Variants in EFL1 observed in about 807,000 individuals in gnomAD.
The protein encoded by EFL1 is elongation factor-like GTPase 1.
In EFL1, 76 loss-of-function variants were observed where a neutral mutation model predicts 126.7. That is an observed-to-expected ratio of 0.60 (90% CI 0.50 to 0.73). EFL1 has a LOEUF of 0.73. Ranked by LOEUF, EFL1 falls within the 30% of genes least tolerant of loss-of-function variation. The pLI is 0.00. For missense variants in EFL1, 1,128 were observed against 1,343.2 expected, an observed-to-expected ratio of 0.84 and a Z score of 2.50; for synonymous variants, 410 against 448.4, an observed-to-expected ratio of 0.91 and a Z score of 1.08.
At chr15:82,158,028 A>T (rs2073985462) in intron 16 of EFL1, among the ~76,000 whole-genome samples, 168 bp from the exon 17 acceptor site, 1 of 152,158 alleles carries the variant, frequency 6.6e-6, no homozygotes, top group Non-Finnish European at 1.5e-5. Context: ...CCTTCTAGTA[A>T]TTTTTTTGTA....
chr15:82,178,404 C>A (rs1273721109), intron 15 of EFL1, among the ~76,000 whole-genome samples: 6 of 152,190 alleles, frequency 3.9e-5, no homozygotes, highest in Non-Finnish European at 5.9e-5. Flanking sequence ...GCCATAGATA[C>A]ATGAACACTA....
At position 82,240,051 on chromosome 15, in the gene EFL1, A is replaced by G. The variant is rs140663142; in HGVS notation, c.516+367T>C. 6.6e-4 allele frequency among the ~76,000 whole-genome samples: 100 copies of G among 152,358 alleles called. 2 individuals carry two copies. In the East Asian group the frequency reaches 0.017, roughly 26 times the overall value. ...ATTTGATAATTCATTTATTCAACAT[A>G]TATCTATGAAATATTTGCTGAATAA... is the stretch of plus-strand genomic sequence containing the variant. On this transcript the variant is annotated intron_variant, in intron 6 of 19. Transcript: ENST00000268206.
At chr15:82,175,409 C>T (rs768596831) in intron 15 of EFL1, among the ~76,000 whole-genome samples, 1 of 152,176 alleles carries the variant, frequency 6.6e-6, no homozygotes, top group Non-Finnish European at 1.5e-5. Context: ...AGCACAAGAA[C>T]AGAAGCAGTT....
At chr15:82,170,106 CTTTTTTTTTTTTTT>C (rs760955432) in intron 15 of EFL1, among the ~76,000 whole-genome samples, 1 of 78,880 alleles carries the variant, frequency 1.3e-5, no homozygotes. Flanking sequence ...CACTGGATGT[CTTTTTTTTTTTTTT>C]TTTTTTTTTT....
chr15:82,229,856 G>A (rs2074802923), intron 8 of EFL1, among the ~76,000 whole-genome samples: 1 of 152,120 alleles, frequency 6.6e-6, no homozygotes, highest in African/African-American at 2.4e-5. Flanking sequence ...TAAAATAACA[G>A]GGTGCTTACT....
intron 15 of EFL1, among the ~76,000 whole-genome samples, chr15:82,193,105 G>T (rs1221039635): frequency 6.6e-6 from 1 of 152,124 alleles, no homozygotes; most frequent in Admixed American, 6.5e-5. Context: ...TGTTAACAAA[G>T]AATAGGTATT....
intron 7 of EFL1, among the ~76,000 whole-genome samples, chr15:82,237,706 T>G (rs1238026656): frequency 4.7e-5 from 7 of 147,716 alleles, no homozygotes; most frequent in Non-Finnish European, 7.4e-5. Context: ...AACCTACACA[T>G]GAATGTTTAT....
chr15:82,190,712 T>C (rs1176999438), intron 15 of EFL1, among the ~76,000 whole-genome samples: 3 of 152,346 alleles, frequency 2.0e-5, no homozygotes, highest in Non-Finnish European at 2.9e-5. Context: ...TCCAAATATA[T>C]ATTCCAGGTC....
chr15:82,185,832 T>G (rs1012303090), intron 15 of EFL1, among the ~76,000 whole-genome samples: 4 of 152,156 alleles, frequency 2.6e-5, no homozygotes, highest in African/African-American at 9.6e-5. Context: ...TCAAGGGGCG[T>G]ATTTGCATAT....
chr15:82,184,627 A>G (rs2074284865), intron 15 of EFL1, among the ~76,000 whole-genome samples: 1 of 152,242 alleles, frequency 6.6e-6, no homozygotes, highest in South Asian at 2.1e-4. Context: ...ATGAAGAGCA[A>G]ACTGCCCAAG....
Position 82,163,885 on chromosome 15 carries a change from A to G in EFL1, c.1850T>C (p.Ile617Thr). ...FIPLNFEATP[I>T]VRVAVEPKHP... is the part of the protein sequence containing the mutation. ...TTTTGGTTCAACAGCAACTCTCACAATAGGAGTGGCTTCGAAGTTGAGTGG... is the reference window on the plus strand; with the variant it reads ...TTTTGGTTCAACAGCAACTCTCACAGTAGGAGTGGCTTCGAAGTTGAGTGG... The change falls in exon 16 of 20, where the codon ATT (isoleucine) becomes ACT (threonine). Residue 617 changes from isoleucine (I) to threonine (T), a missense_variant. By Grantham distance (89) the Ile-to-Thr change is moderately conservative. Transcript: ENST00000268206. The G allele has an allele frequency of 1.9e-6, 3 of 1,614,190 alleles. No homozygotes were observed. Among genetic ancestry groups the G allele is most frequent in the Non-Finnish European group, 2.5e-6 (3 of 1,180,018 alleles).
chr15:82,261,555 A>G (rs1346471525), intron 2 of EFL1, 133 bp downstream of exon 2: 1 of 860,712 alleles, frequency 1.2e-6, no homozygotes, highest in Non-Finnish European at 1.7e-6. Context: ...AACATCACAC[A>G]AAACTTTTAA....
chr15:82,228,696 C>T (rs1184610622), intron 9 of EFL1, among the ~76,000 whole-genome samples: 2 of 152,326 alleles, frequency 1.3e-5, no homozygotes, highest in Non-Finnish European at 2.9e-5. Flanking sequence ...TCAACTTCCC[C>T]ATTAATGATC....
At chr15:82,196,352 T>A (rs900201220) in intron 15 of EFL1, among the ~76,000 whole-genome samples, 15 of 152,310 alleles carry the variant, frequency 9.8e-5, no homozygotes, top group African/African-American at 3.4e-4. Flanking sequence ...TCTCAGATTA[T>A]TTATAGGAGA....
chr15:82,151,868 G>A lies in EFL1; in HGVS notation c.2586C>T (p.Tyr862=). 3 of 1,614,116 alleles carry A rather than the reference G, an allele frequency of 1.9e-6. No individual in the cohort carries two copies. Among genetic ancestry groups the A allele is most frequent in the Non-Finnish European group, 1.7e-6 (2 of 1,180,024 alleles). Reference sequence around the variant, plus strand: ...TCACAATGCTATTGCCCAAATCTCGGTATCTACTGGCTTCTTTTGAAGCTT... The same window carrying A: ...TCACAATGCTATTGCCCAAATCTCGATATCTACTGGCTTCTTTTGAAGCTT... ...ADKASKEASR[Y]RDLGNSIVSG... is the part of the protein sequence containing the mutation. Residue 862 remains tyrosine (Y), a synonymous_variant, in exon 18 of 20, where the codon TAC becomes TAT. Transcript: ENST00000268206.
intron 15 of EFL1, among the ~76,000 whole-genome samples, chr15:82,176,453 T>C (rs1298113979): frequency 6.6e-6 from 1 of 152,238 alleles, no homozygotes; most frequent in Non-Finnish European, 1.5e-5. Flanking sequence ...CAGGGACTTT[T>C]ATGCAGAATA....
intron 3 of EFL1, among the ~76,000 whole-genome samples, chr15:82,258,057 A>C (rs1359143505): frequency 6.6e-6 from 1 of 152,062 alleles, no homozygotes; most frequent in Non-Finnish European, 1.5e-5. Flanking sequence ...ATCGATCTTC[A>C]AGTCTATTGG....
intron 15 of EFL1, among the ~76,000 whole-genome samples, chr15:82,200,208 G>C (rs951091246): frequency 1.3e-5 from 2 of 152,172 alleles, no homozygotes; most frequent in Non-Finnish European, 2.9e-5. Context: ...AGGCACATGA[G>C]AGTTATAGAA....
rs11370933 is a variant in EFL1, at chr15:82,200,890, AT to A, written c.1750+13826del. The stretch of plus-strand genomic sequence containing the variant: ...TTCTATCTCCCTTATGTACTTGAGA[AT>A]TTTTTTTTTAAGACAGTGTTCCACT... On this transcript the variant is annotated intron_variant, in intron 15 of 19. Transcript: ENST00000268206. Among the ~76,000 whole-genome samples the A allele has an allele frequency of 6.1e-4, 92 of 150,794 alleles. 1 individual carries two copies. Among genetic ancestry groups the A allele is most frequent in the African/African-American group, 2.1e-3 (85 of 41,202 alleles).
Sources: allele counts gnomAD v4.1 joint callset (sites outside exome capture counted in the v4.1 genomes callset), GRCh38; gene constraint gnomAD v4.1.1; transcripts MANE v1.5; gene names NCBI Gene and HGNC (gene_info 2026-07-23, HGNC 2026-07-21).